The following SEMA3A variants were observed in gnomAD, a reference collection of about 807,000 sequenced individuals.
The protein encoded by SEMA3A is semaphorin 3A.
SEMA3A carries 29 observed loss-of-function variants against 97.9 expected under a neutral mutation model. The observed-to-expected ratio is 0.30, with a 90% confidence interval of 0.22 to 0.40. The LOEUF (loss-of-function observed/expected upper bound fraction) is 0.40, where lower values mean the gene tolerates loss of function less well. SEMA3A is among the 10% of genes least tolerant of loss of function. The probability of loss-of-function intolerance (pLI) is 1.00; values close to 1 mark genes in which losing one functional copy is unlikely to be tolerated. For synonymous variants in SEMA3A, 321 were observed against 323.7 expected (o/e 0.99, Z 0.09); for missense variants, 763 against 951.3 (o/e 0.80, Z 2.60).
intron 2 of SEMA3A, among the ~76,000 whole-genome samples, chr7:84,325,390 A>G (rs1204552813): frequency 2.0e-5 from 3 of 152,132 alleles, no homozygotes; most frequent in Non-Finnish European, 4.4e-5. Flanking sequence ...TCGGAAGGTC[A>G]GGGAGAACTT....
At chr7:84,478,984 T>C (rs1367428003) in intron 1 of SEMA3A, among the ~76,000 whole-genome samples, 10 of 152,172 alleles carry the variant, frequency 6.6e-5, no homozygotes, top group African/African-American at 1.9e-4. Flanking sequence ...GTCAAATATA[T>C]ACTAATGTGC....
chr7:84,068,410 A>T (rs1793615469), intron 4 of SEMA3A, among the ~76,000 whole-genome samples: 3 of 149,372 alleles, frequency 2.0e-5, no homozygotes, highest in South Asian at 2.1e-4. Context: ...GTACCCTAAA[A>T]CTTAAAGTAT....
chr7:84,086,052 T>C (rs1794329440), intron 4 of SEMA3A, among the ~76,000 whole-genome samples: 1 of 152,166 alleles, frequency 6.6e-6, no homozygotes, highest in African/African-American at 2.4e-5. Context: ...TTTTTTCTGC[T>C]CTTCTACCCC....
At chr7:84,213,407 T>C (rs1247814445) in intron 3 of SEMA3A, among the ~76,000 whole-genome samples, 2 of 152,172 alleles carry the variant, frequency 1.3e-5, no homozygotes, top group South Asian at 2.1e-4. Context: ...GCTTCCCAAG[T>C]ATCTTGGACT....
At position 84,335,261 on chromosome 7, in the gene SEMA3A, T is replaced by A. The variant is rs569655846; in HGVS notation, c.-168-27969A>T. Among the ~76,000 whole-genome samples the A allele has an allele frequency of 2.6e-5, 4 of 152,290 alleles. No homozygotes were observed. In the South Asian group the frequency reaches 6.2e-4, roughly 24 times the overall value. On this transcript the variant is annotated intron_variant, in intron 2 of 3. Transcript: ENST00000424555. ...TACATAATTTCAATTGGTCTTGGTA[T>A]AATAATGGACTACACTACTTTTATA...
intron 2 of SEMA3A, among the ~76,000 whole-genome samples, chr7:84,311,633 G>A (rs1318187200): frequency 6.6e-6 from 1 of 151,860 alleles, no homozygotes; most frequent in East Asian, 1.9e-4. Context: ...GCTCAGGGAA[G>A]GCAAGTACAC....
At position 84,091,147 on chromosome 7, in the gene SEMA3A, G is replaced by A. The variant is rs868618560; in HGVS notation, c.453+19323C>T. The stretch of plus-strand genomic sequence containing the variant: ...AAGAAAGAAAGAAAGAAGGAAGGAA[G>A]GAAGGAAGGAAGGAAGGAAGGAAAG... On this transcript the variant is annotated intron_variant, in intron 4 of 16. Coordinates refer to ENST00000265362, the MANE Select transcript of SEMA3A (RefSeq NM_006080.3). Among the ~76,000 whole-genome samples, 154 of 20,106 alleles carry A rather than the reference G, an allele frequency of 7.7e-3. 3 individuals are homozygous for A. The highest frequency in any genetic ancestry group is 0.011 in the African/African-American group (63 of 5,544). 13.2% of individuals were successfully genotyped at this position (20,106 alleles called of 152,430 possible).
At chr7:84,357,161 G>C (rs983686013) in intron 2 of SEMA3A, among the ~76,000 whole-genome samples, 6 of 150,318 alleles carry the variant, frequency 4.0e-5, no homozygotes, top group African/African-American at 1.5e-4. Context: ...TTAAGTTCTA[G>C]GGTACATGTG....
At chr7:84,294,803 T>C (rs141821777) in intron 3 of SEMA3A, among the ~76,000 whole-genome samples, 1 of 152,142 alleles carries the variant, frequency 6.6e-6, no homozygotes, top group African/African-American at 2.4e-5. Context: ...ACATCTCATA[T>C]ATACGTGTCC....
At chr7:84,424,365 TAATAATATAATATAC>T (rs1024945542) in intron 1 of SEMA3A, among the ~76,000 whole-genome samples, 7 of 138,342 alleles carry the variant, frequency 5.1e-5, no homozygotes, top group African/African-American at 1.9e-4. Context: ...ATATATAAAA[TAATAATATAATATAC>T]AATAATATAA....
Position 84,252,298 on chromosome 7 carries a change from T to C in SEMA3A, c.-83+54909A>G, listed in dbSNP as rs376402187. ...TCACATAATTTAACAGTCAGTCATGTGGAAATAGAATTGACAGTCACTTCT... is the reference window on the plus strand; with the variant it reads ...TCACATAATTTAACAGTCAGTCATGCGGAAATAGAATTGACAGTCACTTCT... On this transcript the variant is annotated intron_variant, in intron 3 of 3. Coordinates refer to the SEMA3A transcript ENST00000424555. Among the ~76,000 whole-genome samples the C allele has an allele frequency of 1.1e-4, 17 of 152,294 alleles. No individual in the cohort carries two copies. In the East Asian group the frequency reaches 2.3e-3, roughly 21 times the overall value.
chr7:84,203,032 A>C (rs776264826), intron 3 of SEMA3A, among the ~76,000 whole-genome samples: 5 of 152,094 alleles, frequency 3.3e-5, no homozygotes, highest in Non-Finnish European at 7.4e-5. Flanking sequence ...GATTGTCTAC[A>C]TATTTTGTTG....
intron 5 of SEMA3A, among the ~76,000 whole-genome samples, chr7:84,047,618 T>C (rs1562994873): frequency 6.6e-6 from 1 of 152,088 alleles, no homozygotes; most frequent in Non-Finnish European, 1.5e-5. Context: ...CCTTTCTACA[T>C]ACAGTGAGTT....
At chr7:84,047,307 A>G (rs1242744868) in intron 5 of SEMA3A, among the ~76,000 whole-genome samples, 1 of 152,024 alleles carries the variant, frequency 6.6e-6, no homozygotes, top group Non-Finnish European at 1.5e-5. Flanking sequence ...ATATTTACTG[A>G]ATTTCACTCT....
At chr7:84,055,438 C>T (rs983724075) in intron 5 of SEMA3A, among the ~76,000 whole-genome samples, 3 of 152,176 alleles carry the variant, frequency 2.0e-5, no homozygotes, top group African/African-American at 7.2e-5. Flanking sequence ...CGGAAAAGGG[C>T]AGTATTCGGG....
chr7:84,208,768 G>T (rs115845147), intron 3 of SEMA3A, among the ~76,000 whole-genome samples: 186 of 152,216 alleles, frequency 1.2e-3, no homozygotes, highest in African/African-American at 4.4e-3. Context: ...TTATTCCAAA[G>T]AATTACTCTC....
chr7:84,004,057 C>A (rs1036914834), intron 11 of SEMA3A, among the ~76,000 whole-genome samples: 4 of 141,480 alleles, frequency 2.8e-5, no homozygotes, highest in African/African-American at 1.1e-4. Flanking sequence ...GTAGTTAATG[C>A]AATTTTTTTT....
chr7:84,439,205 G>A (rs543278309), intron 1 of SEMA3A, among the ~76,000 whole-genome samples: 2 of 151,898 alleles, frequency 1.3e-5, no homozygotes, highest in East Asian at 3.9e-4. Flanking sequence ...TTTCTGATTT[G>A]TATCTATTAG....
chr7:84,470,541 G>GC (rs1176549480), intron 1 of SEMA3A, among the ~76,000 whole-genome samples: 1 of 152,052 alleles, frequency 6.6e-6, no homozygotes, highest in Non-Finnish European at 1.5e-5. Flanking sequence ...TCTTACCTTT[G>GC]CCGTGCCCTA....
Sources: allele counts gnomAD v4.1 joint callset (sites outside exome capture counted in the v4.1 genomes callset), GRCh38; gene constraint gnomAD v4.1.1; transcripts MANE v1.5; gene names NCBI Gene and HGNC (gene_info 2026-07-23, HGNC 2026-07-21).